SYNM: variants seen among roughly 807,000 people sequenced by gnomAD.
The protein encoded by SYNM is synemin.
A neutral mutation model predicts 104.0 loss-of-function variants in SYNM; 95 were observed. That is an observed-to-expected ratio of 0.91 (90% CI 0.77 to 1.08). The LOEUF (loss-of-function observed/expected upper bound fraction) is 1.08. Ranked by LOEUF, SYNM falls within the 50% of genes least tolerant of loss-of-function variation. The pLI is 0.00. For synonymous variants in SYNM, 918 were observed against 869.0 expected, an observed-to-expected ratio of 1.06 and a Z score of -0.99; for missense variants, 2,150 against 2,052.2, an observed-to-expected ratio of 1.05 and a Z score of -0.92.
intron 2 of SYNM, among the ~76,000 whole-genome samples, chr15:99,117,016 A>T (rs1329015500): frequency 6.9e-6 from 1 of 144,084 alleles, no homozygotes; most frequent in African/African-American, 2.5e-5. Context: ...ATGTGGACTC[A>T]TAGAGTGAGA....
In SYNM at chr15:99,129,741, A is replaced by G. The variant is rs1555485453; in HGVS notation, c.1381A>G (p.Ile461Val). ...AGATACAAGGGAGGTCCCCGTTTACATAGGTGAAGATTCCACAATTGCCCG... is the reference window on the plus strand; with the variant it reads ...AGATACAAGGGAGGTCCCCGTTTACGTAGGTGAAGATTCCACAATTGCCCG... Reference protein sequence around the residue: ...AGDTREVPVYIGEDSTIARES... With the variant: ...AGDTREVPVYVGEDSTIARES... The change falls in exon 4 of 4, where the codon ATA (isoleucine) becomes GTA (valine). Residue 461 changes from isoleucine to valine, a missense_variant. Transcript: ENST00000336292. The G allele has an allele frequency of 6.2e-7, 1 of 1,613,602 alleles. No homozygotes were observed. Among genetic ancestry groups the G allele is most frequent in the Non-Finnish European group, 8.5e-7 (1 of 1,179,876 alleles).
In SYNM at chr15:99,131,244, G is replaced by A. The variant is rs368640797; in HGVS notation, c.2884G>A (p.Glu962Lys). ...VIGQLEETLPERMREELSALT... is the reference protein window; with the variant it reads ...VIGQLEETLPKRMREELSALT... ...CGGGCAGCTGGAGGAAACCCTTCCC[G>A]AGCGCATGAGGGAGGAGCTGTCCGC... is the stretch of plus-strand genomic sequence containing the variant. The change falls in exon 4 of 4, where the codon GAG becomes AAG. Residue 962 changes from glutamate to lysine, a missense_variant. Transcript: ENST00000336292. The surrounding 1 kb of genome is among the most constrained non-coding windows in gnomAD (Gnocchi z 4.3). 46 of 1,609,504 alleles carry A rather than the reference G, an allele frequency of 2.9e-5. No individual in the cohort carries two copies. Among genetic ancestry groups the A allele is most frequent in the Non-Finnish European group, 3.7e-5 (44 of 1,178,310 alleles).
intron 2 of SYNM, among the ~76,000 whole-genome samples, chr15:99,120,985 G>T (rs1170438912): frequency 6.6e-6 from 1 of 152,100 alleles, no homozygotes; most frequent in Non-Finnish European, 1.5e-5. Flanking sequence ...GGTCACTGCC[G>T]GATGGAGCAC....
At chr15:99,123,067 G>T (rs558310296) in intron 2 of SYNM, among the ~76,000 whole-genome samples, 4 of 152,176 alleles carry the variant, frequency 2.6e-5, no homozygotes, top group African/African-American at 9.7e-5. Flanking sequence ...CTCTGTGACA[G>T]CCATGGTTCT....
At chr15:99,139,170 C>T (rs1555488694), downstream of SYNM, 1 of 993,370 alleles carries the variant, frequency 1.0e-6, no homozygotes, top group Non-Finnish European at 1.5e-6. Context: ...ACTCGGGTTT[C>T]AAAGGAACTT....
intron 2 of SYNM, among the ~76,000 whole-genome samples, chr15:99,121,226 G>A (rs1160728331): frequency 6.6e-6 from 1 of 152,162 alleles, no homozygotes; most frequent in African/African-American, 2.4e-5. Context: ...GGAAGCTGCA[G>A]TGGGGCTTTC....
At position 99,134,298 on chromosome 15, in the gene SYNM, G is replaced by GC. The variant is rs1555486398; in HGVS notation, c.*1245dup. 6.6e-6 allele frequency: 1 copy of GC among 151,206 alleles called. No homozygotes were observed. Among genetic ancestry groups the GC allele is most frequent in the Non-Finnish European group, 1.5e-5 (1 of 67,868 alleles). 9.4% of individuals were successfully genotyped at this position (151,206 alleles called of 1,614,324 possible). On this transcript the variant is annotated 3_prime_UTR_variant, in exon 4 of 4. Transcript: ENST00000336292. The stretch of plus-strand genomic sequence containing the variant: ...AGGACGGGCCTGGGGGGCGAGAAAG[G>GC]CCCCCATGCTCATGGGCCGCGGAGT...
intron 2 of SYNM, among the ~76,000 whole-genome samples, chr15:99,119,194 G>A (rs1437177159): frequency 1.3e-5 from 2 of 152,228 alleles, no homozygotes; most frequent in Non-Finnish European, 2.9e-5. Flanking sequence ...GTTAGTGACA[G>A]GTGGAACCGG....
intron 2 of SYNM, among the ~76,000 whole-genome samples, chr15:99,117,246 G>A (rs1410004556): frequency 6.6e-6 from 1 of 152,172 alleles, no homozygotes; most frequent in Non-Finnish European, 1.5e-5. Context: ...CCACCACGTG[G>A]CTGGGTGGGG....
chr15:99,131,377 C>G lies in SYNM; in HGVS notation c.3017C>G (p.Ser1006Ter), dbSNP rs781849411. ...ACCCTGGTTGCTGAAGTCAACGTCT[C>G]ACAAACTGTGGATGCCGATCGGTTA... ...SVTLVAEVNV[S>*]QTVDADRLDL... is the part of the protein sequence containing the mutation. The change falls in exon 4 of 4, where the codon TCA (serine) becomes TGA (stop). Residue 1006 changes from serine to a stop codon, truncating the protein, a stop_gained. Transcript: ENST00000336292. LOFTEE classifies it high-confidence loss of function. This position sits in a 1 kb window ranked among gnomAD's most constrained non-coding sequence, Gnocchi z 4.3. 6.2e-7 allele frequency: 1 copy of G among 1,613,198 alleles called. No individual in the cohort carries two copies.
intron 2 of SYNM, among the ~76,000 whole-genome samples, chr15:99,119,058 A>G (rs1159978668): frequency 1.3e-5 from 2 of 152,190 alleles, no homozygotes; most frequent in Non-Finnish European, 2.9e-5. Context: ...CATTTGCTGT[A>G]TGATCACAGG....
rs1356645978 is a variant in SYNM, at chr15:99,133,828, GTC to G, written c.*772_*773del. The G allele has an allele frequency of 8.7e-6, 1 of 114,834 alleles. No homozygotes were observed. The highest frequency in any genetic ancestry group is 4.1e-5 in the African/African-American group (1 of 24,300). The allele number at this position is 114,834 out of a possible 1,614,324, so 7.1% of individuals were successfully genotyped here. A position where few individuals can be genotyped will look rare whatever the true frequency, so the allele number is the denominator to read the frequency against. On this transcript the variant is annotated 3_prime_UTR_variant, in exon 4 of 4. Transcript: ENST00000336292. ...GCACTAGGTCATTAAGTAGCACACA[GTC>G]TGAATGCCCTTTTCTGGAGTGGCCA... is the stretch of plus-strand genomic sequence containing the variant.
In SYNM at chr15:99,132,294, A is replaced by G. The variant is rs782619305; in HGVS notation, c.3934A>G (p.Ser1312Gly). ...PGSSTSIRHI[S>G]IGPQRHQTTQ... is the part of the protein sequence containing the mutation. ...GAGCAGCACATCCATCAGGCACATC[A>G]GCATTGGGCCTCAGAGGCATCAGAC... The change falls in exon 4 of 4, where the codon AGC becomes GGC. Residue 1312 changes from serine to glycine, a missense_variant. Physicochemically the swap from Ser to Gly is moderately conservative, Grantham distance 56. Coordinates refer to ENST00000336292, the MANE Select transcript of SYNM (RefSeq NM_145728.3). 287 of 1,609,792 alleles carry G rather than the reference A, an allele frequency of 1.8e-4. No individual in the cohort carries two copies. The highest frequency in any genetic ancestry group is 2.2e-4 in the Non-Finnish European group (256 of 1,176,784).
chr15:99,129,482 G>GTATTCTAACC lies in SYNM; in HGVS notation c.1124_1133dup (p.Ser379PhefsTer2). 1 of 1,614,020 alleles carries GTATTCTAACC rather than the reference G, an allele frequency of 6.2e-7. No individual in the cohort carries two copies. The highest frequency in any genetic ancestry group is 1.1e-5 in the South Asian group (1 of 91,082). On this transcript the variant is annotated frameshift_variant, in exon 4 of 4. Coordinates refer to ENST00000336292, the MANE Select transcript of SYNM (RefSeq NM_145728.3). LOFTEE classifies it low-confidence loss of function (END_TRUNC). ...CAAGTTTCAATCACAGCTCGGCACT[G>GTATTCTAACC]TATTCTAACCTGTCAGGGCACCGTG...
chr15:99,108,791 G>A (rs1223315165), intron 1 of SYNM, among the ~76,000 whole-genome samples: 11 of 152,224 alleles, frequency 7.2e-5, no homozygotes, highest in Non-Finnish European at 1.0e-4. Context: ...CTGGGCGTCC[G>A]TTTCTCTCTT....
At chr15:99,114,976 C>G (rs972106751) in intron 2 of SYNM, among the ~76,000 whole-genome samples, 6 of 152,196 alleles carry the variant, frequency 3.9e-5, no homozygotes, top group Admixed American at 1.3e-4. Context: ...GCCTGCCAGA[C>G]GTGGTGCTGA....
intron 3 of SYNM, 157 bp from the exon 4 acceptor site, chr15:99,129,210 T>C (rs547691414): frequency 1.8e-6 from 2 of 1,111,714 alleles, no homozygotes; most frequent in South Asian, 1.7e-5. Context: ...AAAAAATAAT[T>C]TGGGCACCAA....
At position 99,113,716 on chromosome 15, in the gene SYNM, G is replaced by T. The variant is rs1158574317; in HGVS notation, c.935+1G>T. The T allele has an allele frequency of 1.2e-6, 2 of 1,613,430 alleles. No individual in the cohort carries two copies. Among genetic ancestry groups the T allele is most frequent in the Non-Finnish European group, 1.7e-6 (2 of 1,179,702 alleles). On this transcript the variant is annotated splice_donor_variant, in intron 2 of 3. Coordinates refer to ENST00000336292, the MANE Select transcript of SYNM (RefSeq NM_145728.3). LOFTEE classifies it high-confidence loss of function. ...TCAGTCTGGAGGTGGCGACCTACCG[G>T]TAAGGAGACTGTGCTGAGTTGGCCT...
Position 99,133,087 on chromosome 15 carries a change from G to A in SYNM, c.*29G>A, listed in dbSNP as rs1460328298. 1 of 1,605,432 alleles carries A rather than the reference G, an allele frequency of 6.2e-7. No individual in the cohort carries two copies. The highest frequency in any genetic ancestry group is 8.5e-7 in the Non-Finnish European group (1 of 1,179,176). ...GCAGAAACATTTTGTTTTAATGGCA[G>A]CCTGTTGGCGACGTGCCAACATCCA... On this transcript the variant is annotated 3_prime_UTR_variant, in exon 4 of 4. Transcript: ENST00000336292.
Sources: gnomAD v4.1 joint callset for allele counts (sites outside exome capture counted in the v4.1 genomes callset) on GRCh38, gnomAD v4.1.1 for gene constraint, Gnocchi (gnomAD v3.1) non-coding constraint, MANE v1.5 for transcripts, NCBI Gene and HGNC (gene_info 2026-07-23, HGNC 2026-07-21) for gene names.